Variants in SLC25A29 observed in about 807,000 individuals in gnomAD.
SLC25A29 encodes mitochondrial basic amino acids transporter.
A neutral mutation model predicts 10.0 loss-of-function variants in SLC25A29; 13 were observed. The observed-to-expected ratio is 1.30, with a 90% confidence interval of 0.85 to 2.07. The LOEUF (loss-of-function observed/expected upper bound fraction) is 2.07, where lower values mean the gene tolerates loss of function less well. Among genes scored for constraint, SLC25A29 ranks in the 30% most tolerant of loss-of-function variants. The probability of loss-of-function intolerance (pLI) is 0.00; values close to 1 mark genes in which losing one functional copy is unlikely to be tolerated. For missense variants in SLC25A29, 475 were observed against 447.6 expected, an observed-to-expected ratio of 1.06 and a Z score of -0.55; for synonymous variants, 244 against 221.1, an observed-to-expected ratio of 1.10 and a Z score of -0.92.
Position 100,292,662 on chromosome 14 carries a change from G to C in SLC25A29, c.533C>G (p.Ala178Gly). Residue 178 changes from alanine (A) to glycine (G), a missense_variant, in exon 4 of 4, where the codon GCG becomes GGG. Ala to Gly is a moderately conservative substitution (Grantham distance 60). Coordinates refer to ENST00000359232, the MANE Select transcript of SLC25A29 (RefSeq NM_001039355.3). ...YFLTYDALTR[A>G]LGCEPGDRLL... ...GCGGTCGCCCGGCTCGCAGCCCAGC[G>C]CCCGCGTGAGAGCGTCATAGGTGAG... 1.3e-6 allele frequency: 2 copies of C among 1,598,970 alleles called. No homozygotes were observed. The highest frequency in any genetic ancestry group is 2.2e-5 in the South Asian group (2 of 89,084).
At chr14:100,300,317 A>C (rs1566807021) in intron 1 of SLC25A29, among the ~76,000 whole-genome samples, 1 of 152,190 alleles carries the variant, frequency 6.6e-6, no homozygotes, top group Non-Finnish European at 1.5e-5. Flanking sequence ...TACTCACTTT[A>C]ACTTTGCCAG....
chr14:100,301,457 G>A (rs568185812), intron 1 of SLC25A29, among the ~76,000 whole-genome samples: 110 of 152,118 alleles, frequency 7.2e-4, no homozygotes, highest in Non-Finnish European at 1.0e-3. Context: ...GAGCCACCAC[G>A]CCCAGCTATT....
At chr14:100,289,766 C>T (rs1297931138), downstream of SLC25A29, among the ~76,000 whole-genome samples, 2 of 132,804 alleles carry the variant, frequency 1.5e-5, no homozygotes, top group African/African-American at 2.9e-5. Flanking sequence ...CACTTGAACC[C>T]GGGAGGTAGA....
At chr14:100,296,764 A>C (rs1302338876) in intron 2 of SLC25A29, among the ~76,000 whole-genome samples, 5 of 151,766 alleles carry the variant, frequency 3.3e-5, no homozygotes, top group Non-Finnish European at 7.4e-5. Flanking sequence ...ACGCCCGGCT[A>C]ATTTTTTGTA....
At chr14:100,298,994 GA>G in intron 1 of SLC25A29, 109 bp from the exon 2 acceptor site, 1 of 1,524,062 alleles carries the variant, frequency 6.6e-7, no homozygotes, top group Non-Finnish European at 8.8e-7. Flanking sequence ...TGCTGCCGGG[GA>G]AAGGACATTG....
At chr14:100,299,570 A>C in intron 1 of SLC25A29, 1 of 985,804 alleles carries the variant, frequency 1.0e-6, no homozygotes. Flanking sequence ...AGGTCCTGCC[A>C]AAAATCCAGC....
chr14:100,303,549 C>T (rs1423260761), intron 1 of SLC25A29, among the ~76,000 whole-genome samples: 3 of 152,248 alleles, frequency 2.0e-5, no homozygotes, highest in African/African-American at 7.2e-5. Flanking sequence ...CTTGTTTCAG[C>T]ACCCTTCGGC....
chr14:100,296,233 G>C (rs1399995998), intron 2 of SLC25A29: 1 of 344,752 alleles, frequency 2.9e-6, no homozygotes, highest in African/African-American at 2.1e-5. Flanking sequence ...AGACCAGCTG[G>C]GCAACATATC....
rs186056952 is a variant in SLC25A29 at position 100,299,113 on chromosome 14, C to A, written c.35-228G>T. 1.5e-4 allele frequency: 208 copies of A among 1,408,506 alleles called. 2 individuals carry two copies. In the East Asian group the frequency reaches 5.4e-3, roughly 37 times the overall value. The allele number at this position is 1,408,506 out of a possible 1,614,324, so 87.3% of individuals were successfully genotyped here. On this transcript the variant is annotated intron_variant, in intron 1 of 3. Coordinates refer to ENST00000359232, the MANE Select transcript of SLC25A29 (RefSeq NM_001039355.3). ...CCCAAGGCCAAGCCAGCACCTGTCC[C>A]ACTCAGCACTGGTGTCCCATCTGCA...
chr14:100,293,265 C>T (rs536530391), intron 3 of SLC25A29, 29 bp downstream of exon 3: 97 of 1,609,372 alleles, frequency 6.0e-5, no homozygotes, highest in Non-Finnish European at 7.6e-5. Flanking sequence ...TCCTGTGCCT[C>T]CCGAGCCCCA....
chr14:100,293,392 T>C lies in SLC25A29; in HGVS notation c.79-15A>G, dbSNP rs532377122. 1.1e-5 allele frequency: 18 copies of C among 1,611,292 alleles called. No individual in the cohort carries two copies. In the South Asian group the frequency reaches 1.8e-4, roughly 16 times the overall value. On this transcript the variant is annotated splice_polypyrimidine_tract_variant and intron_variant, in intron 2 of 3. Transcript: ENST00000359232. ...TGAAGCCGTACCTGGAAGGAGAGGG[T>C]CCAGTGAGAGGCAGGCAGGCAGGAC...
the SLC25A29 span, among the ~76,000 whole-genome samples, chr14:100,285,467 G>C: frequency 6.6e-6 from 1 of 151,694 alleles, no homozygotes; most frequent in Non-Finnish European, 1.5e-5. Context: ...CGTCCGCTGT[G>C]GGGAGGGGCT....
Position 100,292,307 on chromosome 14 carries a change from G to C in SLC25A29, c.888C>G (p.Ala296=), listed in dbSNP as rs1273825031. The C allele has an allele frequency of 6.6e-7, 1 of 1,523,006 alleles. No homozygotes were observed. The highest frequency in any genetic ancestry group is 2.5e-5 in the East Asian group (1 of 39,704). The allele number at this position is 1,523,006 out of a possible 1,614,324, so 94.3% of individuals were successfully genotyped here. The part of the protein sequence containing the change: ...EAVPAAPAGP[A]LAQPSSL ...GTCACAGGCTGGAGGGCTGCGCCAG[G>C]GCAGGCCCCGCAGGGGCGGCGGGCA... Residue 296 remains alanine (A), a synonymous_variant, in exon 4 of 4, where the codon GCC becomes GCG. Coordinates refer to ENST00000359232, the MANE Select transcript of SLC25A29 (RefSeq NM_001039355.3).
At chr14:100,286,274 G>A (rs1350738438), downstream of SLC25A29, among the ~76,000 whole-genome samples, 1 of 152,162 alleles carries the variant, frequency 6.6e-6, no homozygotes. Context: ...TAGAGGTTGG[G>A]GAGATAAACA....
rs778814679 is a variant in SLC25A29 at position 100,293,356 on chromosome 14, C to T, written c.100G>A (p.Val34Met). The change falls in exon 3 of 4, where the codon GTG becomes ATG. Residue 34 changes from valine (V) to methionine (M), a missense_variant. Physicochemically the swap from Val to Met is conservative, Grantham distance 21. Transcript: ENST00000359232. Reference protein sequence around the residue: ...TVKVRLQVQSVEKPQYRGTLH... With the variant: ...TVKVRLQVQSMEKPQYRGTLH... ...GTCCCGCGGTACTGAGGCTTCTCCA[C>T]GCTCTGGACCTGAAGCCGTACCTGG... 58 of 1,613,106 alleles carry T rather than the reference C, an allele frequency of 3.6e-5. No homozygotes were observed. Among genetic ancestry groups the T allele is most frequent in the Middle Eastern group, 1.6e-4 (1 of 6,080 alleles).
intron 2 of SLC25A29, among the ~76,000 whole-genome samples, chr14:100,297,030 C>T (rs1892212122): frequency 6.6e-6 from 1 of 152,080 alleles, no homozygotes; most frequent in South Asian, 2.1e-4. Flanking sequence ...TCACTTGAAC[C>T]CAGGAGGAAG....
the SLC25A29 span, among the ~76,000 whole-genome samples, chr14:100,284,389 T>C: frequency 5.3e-5 from 8 of 152,140 alleles, no homozygotes; most frequent in African/African-American, 1.9e-4. Flanking sequence ...TGCCCGCCAT[T>C]GTGACCGTTC....
At chr14:100,295,949 G>C (rs1337076592) in intron 2 of SLC25A29, 1 of 1,289,724 alleles carries the variant, frequency 7.8e-7, no homozygotes, top group Non-Finnish European at 1.0e-6. Flanking sequence ...GGTTCTGGGC[G>C]CTATAGAGGA....
chr14:100,295,829 A>G, intron 2 of SLC25A29: 1 of 1,289,536 alleles, frequency 7.8e-7, no homozygotes, highest in Non-Finnish European at 1.0e-6. Flanking sequence ...CCCCCTCATC[A>G]TAGGTCAAGA....
Sources: allele counts gnomAD v4.1 joint callset (sites outside exome capture counted in the v4.1 genomes callset), GRCh38; gene constraint gnomAD v4.1.1; transcripts MANE v1.5; gene names NCBI Gene and HGNC (gene_info 2026-07-23, HGNC 2026-07-21).